HOPX: variants seen among roughly 807,000 people sequenced by gnomAD.
The protein encoded by HOPX is homeodomain-only protein.
Under a neutral mutation model 11.8 loss-of-function variants are expected in HOPX, and 5 were observed. That is an observed-to-expected ratio of 0.43 (90% CI 0.22 to 0.89). The LOEUF is 0.89. HOPX is among the 40% of genes least tolerant of loss of function. HOPX has a pLI of 0.28. For missense variants in HOPX, 119 were observed against 120.0 expected (o/e 0.99, Z 0.04); for synonymous variants, 49 against 49.7 (o/e 0.99, Z 0.06).
intron 1 of HOPX, chr4:56,676,595 AG>A (rs1296398442): frequency 1.3e-5 from 2 of 151,276 alleles, no homozygotes; most frequent in African/African-American, 2.5e-5. Context: ...CACAGGAAAA[AG>A]CATTTGGCTT....
At chr4:56,650,619 A>T in intron 3 of HOPX, 1 of 1,521,912 alleles carries the variant, frequency 6.6e-7, no homozygotes, top group Non-Finnish European at 8.9e-7. Flanking sequence ...CCTACACCTC[A>T]CCCACCTGTA....
intron 1 of HOPX, chr4:56,662,436 T>C (rs1327839615): frequency 2.6e-5 from 4 of 152,164 alleles, no homozygotes; most frequent in Non-Finnish European, 4.4e-5. Flanking sequence ...TCAAGATTGA[T>C]TCATTCGTCC....
intron 2 of HOPX, among the ~76,000 whole-genome samples, chr4:56,656,892 G>A (rs898623841): frequency 1.3e-5 from 2 of 152,302 alleles, no homozygotes; most frequent in East Asian, 1.9e-4. Flanking sequence ...TGCTCCCCGA[G>A]GGGAGGACTT....
At chr4:56,675,834 G>GTAT (rs1718987590) in intron 1 of HOPX, among the ~76,000 whole-genome samples, 1 of 151,606 alleles carries the variant, frequency 6.6e-6, no homozygotes, top group South Asian at 2.1e-4. Context: ...GGCAGGATGG[G>GTAT]TATGGTCCAG....
At chr4:56,654,660 T>C (rs1052019836) in intron 3 of HOPX, among the ~76,000 whole-genome samples, 3 of 152,210 alleles carry the variant, frequency 2.0e-5, no homozygotes, top group South Asian at 2.1e-4. Flanking sequence ...GGATCATCTA[T>C]GGACAAGCTC....
At position 56,655,961 on chromosome 4, in the gene HOPX, C is replaced by A; in HGVS notation, c.94G>T (p.Val32Leu). The A allele has an allele frequency of 6.2e-7, 1 of 1,611,078 alleles. No individual in the cohort carries two copies. Among genetic ancestry groups the A allele is most frequent in the African/African-American group, 1.3e-5 (1 of 74,848 alleles). ...ETASGPTEDQ[V>L]EILEYNFNKV... Reference sequence around the variant, plus strand: ...TTGAAGTTGTACTCCAGGATTTCCACCTGGTCCTCTGTGGGGCCGCTCGCG... The same window carrying A: ...TTGAAGTTGTACTCCAGGATTTCCAACTGGTCCTCTGTGGGGCCGCTCGCG... The change falls in exon 3 of 4, where the codon GTG (valine) becomes TTG (leucine). Residue 32 changes from valine (V) to leucine (L), a missense_variant. Coordinates refer to ENST00000420433, the MANE Select transcript of HOPX (RefSeq NM_032495.6).
At chr4:56,667,612 T>C (rs1718511584) in intron 1 of HOPX, among the ~76,000 whole-genome samples, 1 of 152,190 alleles carries the variant, frequency 6.6e-6, no homozygotes, top group Non-Finnish European at 1.5e-5. Context: ...GCAATAAAAA[T>C]GAAAGATTGG....
At position 56,648,482 on chromosome 4, in the gene HOPX, CA is replaced by C. The variant is rs1312628368; in HGVS notation, c.*237del. The C allele has an allele frequency of 7.9e-6, 3 of 380,956 alleles. No homozygotes were observed. The Admixed American group carries it at 1.3e-4, about 17-fold the overall frequency. 23.6% of individuals were successfully genotyped at this position (380,956 alleles called of 1,614,324 possible). A position where few individuals can be genotyped will look rare whatever the true frequency, so the allele number is the denominator to read the frequency against. ...TCATGACTCAAAGGGAAATGCTAGCCACACCATTTTTCCAGTGAAGCCACTG... is the reference window on the plus strand; with the variant it reads ...TCATGACTCAAAGGGAAATGCTAGCCCACCATTTTTCCAGTGAAGCCACTG... On this transcript the variant is annotated 3_prime_UTR_variant, in exon 4 of 4. Transcript: ENST00000420433.
intron 1 of HOPX, among the ~76,000 whole-genome samples, chr4:56,674,446 A>T (rs1300650063): frequency 6.6e-6 from 1 of 151,652 alleles, no homozygotes; most frequent in Non-Finnish European, 1.5e-5. Context: ...ATCTAAGCAG[A>T]TCTGTCATGA....
chr4:56,659,996 G>A lies in HOPX; in HGVS notation c.-83-2097C>T, dbSNP rs1322788154. ...CAAAAGAAAACAGATATTCTCCAAT[G>A]CTTTCAAAAGTTCAGAAATGAAATA... is the stretch of plus-strand genomic sequence containing the variant. On this transcript the variant is annotated intron_variant, in intron 1 of 3. Transcript: ENST00000420433. Among the ~76,000 whole-genome samples the A allele has an allele frequency of 3.3e-5, 5 of 152,152 alleles. No individual in the cohort carries two copies. In the East Asian group the frequency reaches 9.6e-4, roughly 29 times the overall value.
chr4:56,658,008 C>A, intron 1 of HOPX, 109 bp from the exon 2 acceptor site: 1 of 934,990 alleles, frequency 1.1e-6, no homozygotes, highest in Non-Finnish European at 1.5e-6. Context: ...GCCAAAGTTG[C>A]CCACGGGAAC....
chr4:56,658,388 CTTGGGTTAG>C (rs1269632435), intron 1 of HOPX, among the ~76,000 whole-genome samples: 1 of 152,098 alleles, frequency 6.6e-6, no homozygotes, highest in Non-Finnish European at 1.5e-5. Flanking sequence ...TAAAGAACTC[CTTGGGTTAG>C]TTGGCTGAGA....
intron 3 of HOPX, 163 bp from the exon 4 acceptor site, chr4:56,648,960 G>T: frequency 1.8e-6 from 1 of 543,130 alleles, no homozygotes; most frequent in Non-Finnish European, 3.3e-6. Context: ...TCCTGCCTCA[G>T]GACCTTTGCA....
Position 56,655,857 on chromosome 4 carries a change from C to T in HOPX, c.198G>A (p.Gln66=), listed in dbSNP as rs1717645242. The stretch of plus-strand genomic sequence containing the variant: ...GCGCTGGGCGCGTGTGGGGACGCAC[C>T]TGGGTCTCCTCCTCGGAAAGGCCTG... ...AEAGLSEEET[Q]KWFKQRLAKW... Residue 66 remains glutamine (Q), a splice_region_variant and synonymous_variant, in exon 3 of 4, where the codon CAG becomes CAA. Coordinates refer to ENST00000420433, the MANE Select transcript of HOPX (RefSeq NM_032495.6). The T allele has an allele frequency of 1.2e-6, 2 of 1,610,524 alleles. No individual in the cohort carries two copies. Among genetic ancestry groups the T allele is most frequent in the East Asian group, 2.2e-5 (1 of 44,744 alleles).
chr4:56,681,048 A>G, intron 1 of HOPX: 2 of 985,278 alleles, frequency 2.0e-6, no homozygotes, highest in Non-Finnish European at 2.4e-6. Flanking sequence ...CCTCGACCCC[A>G]TGCAGTTTTG....
chr4:56,657,789 T>C lies in HOPX; in HGVS notation c.28A>G (p.Arg10Gly), dbSNP rs754497084. Residue 10 changes from arginine to glycine, a missense_variant, in exon 2 of 4, where the codon AGA (arginine) becomes GGA (glycine). Coordinates refer to ENST00000420433, the MANE Select transcript of HOPX (RefSeq NM_032495.6). MLIFLGCYR[R>G]RLEERAGTMS... ...TTGGAAATTACCTCTTCCAGTCTTC[T>C]TCTGTAACAGCCCAGGAAAATGAGC... 2 of 1,331,826 alleles carry C rather than the reference T, an allele frequency of 1.5e-6. No homozygotes were observed. The highest frequency in any genetic ancestry group is 2.5e-5 in the South Asian group (2 of 79,560). The allele number at this position is 1,331,826 out of a possible 1,614,324, so 82.5% of individuals were successfully genotyped here. A position where few individuals can be genotyped will look rare whatever the true frequency, so the allele number is the denominator to read the frequency against.
intron 1 of HOPX, chr4:56,678,840 T>C (rs1307223519): frequency 1.3e-5 from 2 of 152,156 alleles, no homozygotes; most frequent in African/African-American, 4.8e-5. Flanking sequence ...TCTATAAAAG[T>C]CTATGATCCT....
At chr4:56,661,617 C>T (rs754734865) in intron 1 of HOPX, among the ~76,000 whole-genome samples, 10 of 152,214 alleles carry the variant, frequency 6.6e-5, no homozygotes, top group South Asian at 2.1e-4. Flanking sequence ...AACACTTGTA[C>T]GGTCAAACCT....
chr4:56,672,376 T>C (rs932559933), intron 1 of HOPX, among the ~76,000 whole-genome samples: 36 of 151,644 alleles, frequency 2.4e-4, no homozygotes, highest in African/African-American at 5.3e-4. Flanking sequence ...CCGCCTCTAC[T>C]AAAAATACAA....
Sources: gnomAD v4.1 joint callset for allele counts (sites outside exome capture counted in the v4.1 genomes callset) on GRCh38, gnomAD v4.1.1 for gene constraint, MANE v1.5 for transcripts, NCBI Gene and HGNC (gene_info 2026-07-23, HGNC 2026-07-21) for gene names.